MFHAS1: variants seen among roughly 807,000 people sequenced by gnomAD.
MFHAS1 encodes the protein malignant fibrous histiocytoma-amplified sequence 1.
Under a neutral mutation model 70.4 loss-of-function variants are expected in MFHAS1, and 50 were observed. The ratio of observed to expected loss-of-function variants is 0.71; its 90% confidence interval spans 0.57 to 0.90. The LOEUF (loss-of-function observed/expected upper bound fraction) is 0.90. Ranked by LOEUF, MFHAS1 falls within the 40% of genes least tolerant of loss-of-function variation. MFHAS1 has a pLI of 0.00. For missense variants in MFHAS1, 1,795 were observed against 1,347.6 expected (o/e 1.33, Z -5.20); for synonymous variants, 952 against 620.0 (o/e 1.54, Z -7.96).
At chr8:8,888,674 G>A (rs1809866614) in intron 1 of MFHAS1, among the ~76,000 whole-genome samples, 1 of 152,198 alleles carries the variant, frequency 6.6e-6, no homozygotes, top group South Asian at 2.1e-4. Flanking sequence ...TATGGAGACA[G>A]TAAAAAGATC....
intron 1 of MFHAS1, among the ~76,000 whole-genome samples, chr8:8,801,194 G>T (rs895673585): frequency 6.6e-6 from 1 of 151,922 alleles, no homozygotes; most frequent in East Asian, 1.9e-4. Context: ...CAGCCTGGAC[G>T]ATGGGGTGAG....
intron 1 of MFHAS1, chr8:8,821,978 G>C (rs1357694396): frequency 1.3e-5 from 2 of 152,300 alleles, no homozygotes; most frequent in African/African-American, 4.8e-5. Context: ...CTCTAGGCCT[G>C]AGTGCACACG....
chr8:8,832,385 C>A (rs1417369232), intron 1 of MFHAS1, among the ~76,000 whole-genome samples: 3 of 148,252 alleles, frequency 2.0e-5, no homozygotes, highest in Non-Finnish European at 4.5e-5. Context: ...AGACGACAAG[C>A]AACCCTATTA....
chr8:8,846,820 G>C (rs4481596), intron 1 of MFHAS1, among the ~76,000 whole-genome samples: 69,802 of 151,698 alleles, frequency 0.46, 17,414 homozygotes, highest in East Asian at 0.85. Context: ...TAAAATAGCA[G>C]CGACCCACCC....
intron 1 of MFHAS1, among the ~76,000 whole-genome samples, chr8:8,813,745 A>C (rs144353047): frequency 6.6e-6 from 1 of 152,164 alleles, no homozygotes; most frequent in Non-Finnish European, 1.5e-5. Flanking sequence ...ACAGTAAGCT[A>C]AGGTTAATTT....
intron 1 of MFHAS1, among the ~76,000 whole-genome samples, chr8:8,849,422 TGCA>T (rs1157816496): frequency 6.6e-6 from 1 of 152,176 alleles, no homozygotes; most frequent in African/African-American, 2.4e-5. Context: ...AAGTAATACT[TGCA>T]GCAAGTAATT....
intron 1 of MFHAS1, among the ~76,000 whole-genome samples, chr8:8,800,128 T>A (rs188030574): frequency 6.6e-5 from 10 of 152,334 alleles, no homozygotes; most frequent in African/African-American, 2.4e-4. Context: ...TTTTAATTAA[T>A]GAACTAAGCG....
chr8:8,817,412 A>G (rs1315404707), intron 1 of MFHAS1, among the ~76,000 whole-genome samples: 1 of 152,238 alleles, frequency 6.6e-6, no homozygotes, highest in Non-Finnish European at 1.5e-5. Context: ...GCCAACCTAC[A>G]CATACTTGAC....
intron 1 of MFHAS1, among the ~76,000 whole-genome samples, chr8:8,825,418 C>G (rs559414369): frequency 5.3e-5 from 8 of 152,248 alleles, no homozygotes; most frequent in South Asian, 2.1e-4. Flanking sequence ...AGTGATCCAT[C>G]TGCCTCAGCC....
chr8:8,802,768 G>T (rs73519953), intron 1 of MFHAS1, among the ~76,000 whole-genome samples: 27,014 of 152,094 alleles, frequency 0.18, 2,596 homozygotes, highest in Non-Finnish European at 0.2. Flanking sequence ...GCTATCTTGG[G>T]GGGTGAAGGA....
rs138258492 is a variant in MFHAS1, at chr8:8,839,355, T to C, written c.2999-41864A>G. ...TTTTGTGAAGAAAATGTGCTATCTA[T>C]GTAAAAGCCTGTCAAACTGTAAAGT... On this transcript the variant is annotated intron_variant, in intron 1 of 2. Transcript: ENST00000276282. Among the ~76,000 whole-genome samples, 635 of 152,372 alleles carry C rather than the reference T, an allele frequency of 4.2e-3. 5 individuals are homozygous for C. The highest frequency in any genetic ancestry group is 0.015 in the African/African-American group (604 of 41,588).
intron 1 of MFHAS1, among the ~76,000 whole-genome samples, chr8:8,837,504 T>C (rs1266205847): frequency 2.0e-5 from 3 of 151,994 alleles, no homozygotes; most frequent in Non-Finnish European, 4.4e-5. Flanking sequence ...TAGCCAAGCG[T>C]GGTGGCGCAC....
intron 1 of MFHAS1, among the ~76,000 whole-genome samples, chr8:8,829,946 A>G (rs146273501): frequency 5.3e-5 from 8 of 152,338 alleles, no homozygotes; most frequent in Non-Finnish European, 1.2e-4. Flanking sequence ...TTCACTGTTC[A>G]ACTAGAACAG....
intron 1 of MFHAS1, among the ~76,000 whole-genome samples, chr8:8,837,620 G>A (rs903732740): frequency 5.9e-5 from 9 of 152,066 alleles, no homozygotes; most frequent in African/African-American, 1.9e-4. Context: ...TCCAGCCTGG[G>A]CGACAGAGTG....
chr8:8,838,021 A>C (rs960033088), intron 1 of MFHAS1, among the ~76,000 whole-genome samples: 6 of 152,234 alleles, frequency 3.9e-5, no homozygotes, highest in African/African-American at 1.4e-4. Flanking sequence ...CCCAAACTGG[A>C]AACAGCCTCT....
At chr8:8,872,603 A>C (rs1390509575) in intron 1 of MFHAS1, among the ~76,000 whole-genome samples, 2 of 152,172 alleles carry the variant, frequency 1.3e-5, no homozygotes, top group African/African-American at 4.8e-5. Flanking sequence ...GAGGAGGCTC[A>C]GATGCATAGG....
Position 8,859,821 on chromosome 8 carries a change from CA to C in MFHAS1, c.2998+30239del, listed in dbSNP as rs113021674. On this transcript the variant is annotated intron_variant, in intron 1 of 2. Coordinates refer to ENST00000276282, the MANE Select transcript of MFHAS1 (RefSeq NM_004225.3). ...TATTAGTAGTTAAATTCTGCAAAGT[CA>C]AAAGTTAGATGTTCAACTGAATGGG... Among the ~76,000 whole-genome samples, 480 of 152,276 alleles carry C rather than the reference CA, an allele frequency of 3.2e-3. 2 individuals are homozygous for C. The highest frequency in any genetic ancestry group is 0.011 in the African/African-American group (460 of 41,556).
intron 2 of MFHAS1, among the ~76,000 whole-genome samples, chr8:8,794,788 C>CA (rs1237802158): frequency 6.6e-6 from 1 of 152,132 alleles, no homozygotes; most frequent in Non-Finnish European, 1.5e-5. Flanking sequence ...AAAAGTGGTT[C>CA]AATGCCTAAA....
intron 1 of MFHAS1, among the ~76,000 whole-genome samples, chr8:8,872,903 A>T (rs544783309): frequency 1.3e-5 from 2 of 152,330 alleles, no homozygotes; most frequent in Non-Finnish European, 2.9e-5. Flanking sequence ...CATTCAAAAG[A>T]ACACCTGCTC....
Sources: allele counts gnomAD v4.1 joint callset (sites outside exome capture counted in the v4.1 genomes callset), GRCh38; gene constraint gnomAD v4.1.1; transcripts MANE v1.5; gene names NCBI Gene and HGNC (gene_info 2026-07-23, HGNC 2026-07-21).